Variants in ELP4 observed in about 807,000 individuals in gnomAD.
ELP4 encodes the protein elongator acetyltransferase complex subunit 4, also known as elongator complex protein 4.
In ELP4, 51 loss-of-function variants were observed where a neutral mutation model predicts 48.9. The ratio of observed to expected loss-of-function variants is 1.04; its 90% CI spans 0.83 to 1.32. The LOEUF is 1.32. Ranked by LOEUF, ELP4 falls within the 40% of genes most tolerant of loss-of-function variation. ELP4 has a pLI of 0.00. For missense variants in ELP4, 519 were observed against 514.6 expected (o/e 1.01, Z -0.08); for synonymous variants, 210 against 189.2 (o/e 1.11, Z -0.90).
intron 9 of ELP4, among the ~76,000 whole-genome samples, chr11:31,688,305 C>T (rs1946204938): frequency 6.6e-6 from 1 of 152,100 alleles, no homozygotes; most frequent in Non-Finnish European, 1.5e-5. Flanking sequence ...TCCTTATCCC[C>T]ACCTCCATCC....
chr11:31,645,164 C>A (rs111670872), intron 7 of ELP4, among the ~76,000 whole-genome samples: 50 of 151,752 alleles, frequency 3.3e-4, no homozygotes, highest in African/African-American at 1.1e-3. Context: ...TAGTTAATGA[C>A]TATGATGCAA....
At chr11:31,732,206 TTAAA>T (rs1947205646) in intron 9 of ELP4, among the ~76,000 whole-genome samples, 1 of 152,042 alleles carries the variant, frequency 6.6e-6, no homozygotes, top group Non-Finnish European at 1.5e-5. Context: ...TCTATAGAAT[TTAAA>T]TAAAAGTAGA....
At chr11:31,527,682 T>A (rs548380277) in intron 2 of ELP4, among the ~76,000 whole-genome samples, 3 of 152,082 alleles carry the variant, frequency 2.0e-5, no homozygotes, top group Non-Finnish European at 4.4e-5. Context: ...ATCAATAACC[T>A]CACTGAAACT....
intron 3 of ELP4, among the ~76,000 whole-genome samples, chr11:31,579,640 A>G (rs1240442161): frequency 6.6e-6 from 1 of 152,050 alleles, no homozygotes; most frequent in Admixed American, 6.6e-5. Context: ...TTATAGGGAC[A>G]TGGATGAAGC....
intron 6 of ELP4, among the ~76,000 whole-genome samples, chr11:31,630,530 C>T (rs1408499299): frequency 2.6e-5 from 4 of 151,846 alleles, no homozygotes; most frequent in African/African-American, 9.7e-5. Context: ...GGTTTCACTA[C>T]GTTGGCCAGG....
intron 9 of ELP4, chr11:31,654,373 C>T (rs1945384422): frequency 6.6e-6 from 1 of 151,732 alleles, no homozygotes; most frequent in Non-Finnish European, 1.5e-5. Context: ...ATCATGTTTA[C>T]TCAAGGTTGT....
chr11:31,557,262 AC>A (rs1208119477), intron 3 of ELP4, among the ~76,000 whole-genome samples: 1 of 151,938 alleles, frequency 6.6e-6, no homozygotes, highest in Non-Finnish European at 1.5e-5. Context: ...TACCAGACTT[AC>A]CCAAATATTG....
chr11:31,543,800 A>G (rs1034786012), intron 3 of ELP4, among the ~76,000 whole-genome samples: 2 of 152,212 alleles, frequency 1.3e-5, no homozygotes, highest in African/African-American at 4.8e-5. Context: ...TAAAAGAAAA[A>G]CACGTTATCA....
At chr11:31,590,732 A>G (rs1387681020) in intron 3 of ELP4, among the ~76,000 whole-genome samples, 1 of 152,214 alleles carries the variant, frequency 6.6e-6, no homozygotes, top group Non-Finnish European at 1.5e-5. Context: ...GAGAACAGGC[A>G]TCTCACATGG....
At chr11:31,679,095 C>T (rs1565108327) in intron 9 of ELP4, among the ~76,000 whole-genome samples, 1 of 151,868 alleles carries the variant, frequency 6.6e-6, no homozygotes, top group Non-Finnish European at 1.5e-5. Context: ...CATCTTTTGC[C>T]CATTTTTAAA....
chr11:31,604,635 A>G (rs1294190242), intron 5 of ELP4, among the ~76,000 whole-genome samples: 1 of 151,912 alleles, frequency 6.6e-6, no homozygotes, highest in Non-Finnish European at 1.5e-5. Context: ...CATTTGTAAA[A>G]CCATTTTCAA....
chr11:31,738,078 T>C (rs1947358909), intron 9 of ELP4, among the ~76,000 whole-genome samples: 1 of 151,834 alleles, frequency 6.6e-6, no homozygotes, highest in Non-Finnish European at 1.5e-5. Flanking sequence ...ATATGTATAA[T>C]GAAATATTAT....
At chr11:31,721,823 G>T (rs1946966519) in intron 9 of ELP4, among the ~76,000 whole-genome samples, 1 of 152,052 alleles carries the variant, frequency 6.6e-6, no homozygotes, top group South Asian at 2.1e-4. Context: ...CGTTTATTTT[G>T]TTTCTATGTA....
At chr11:31,590,712 A>G (rs1289728817) in intron 3 of ELP4, among the ~76,000 whole-genome samples, 1 of 152,212 alleles carries the variant, frequency 6.6e-6, no homozygotes, top group Non-Finnish European at 1.5e-5. Flanking sequence ...ATCATAGCAG[A>G]TGGCAAATTG....
intron 9 of ELP4, among the ~76,000 whole-genome samples, chr11:31,660,352 G>T (rs1945529163): frequency 1.3e-5 from 2 of 152,120 alleles, no homozygotes; most frequent in South Asian, 4.1e-4. Flanking sequence ...TGTACATATT[G>T]TAATAGGCTA....
At chr11:31,777,918 A>C (rs1948283524) in intron 9 of ELP4, among the ~76,000 whole-genome samples, 2 of 152,184 alleles carry the variant, frequency 1.3e-5, no homozygotes, top group Admixed American at 1.3e-4. Flanking sequence ...ATTCCCTACC[A>C]CTTGGAGCAG....
chr11:31,591,267 G>A (rs1197295417), intron 3 of ELP4, among the ~76,000 whole-genome samples: 9 of 151,854 alleles, frequency 5.9e-5, no homozygotes, highest in East Asian at 3.9e-4. Flanking sequence ...TTAGCCAGGC[G>A]TGGTGGTGGG....
intron 9 of ELP4, among the ~76,000 whole-genome samples, chr11:31,736,431 C>A (rs1395858815): frequency 6.6e-6 from 1 of 152,092 alleles, no homozygotes; most frequent in Non-Finnish European, 1.5e-5. Context: ...GACTTCATGT[C>A]TAAAACACCA....
At chr11:31,665,204 AC>A (rs1336101774) in intron 9 of ELP4, among the ~76,000 whole-genome samples, 3 of 152,068 alleles carry the variant, frequency 2.0e-5, no homozygotes, top group African/African-American at 7.2e-5. Context: ...TTGACAGTTT[AC>A]CTCTTCTTGA....
Sources: gnomAD v4.1 joint callset for allele counts (sites outside exome capture counted in the v4.1 genomes callset) on GRCh38, gnomAD v4.1.1 for gene constraint, MANE v1.5 for transcripts, NCBI Gene and HGNC (gene_info 2026-07-23, HGNC 2026-07-21) for gene names.